Variants in CTH observed in about 807,000 individuals in gnomAD.
CTH encodes cystathionine gamma-lyase, also known as cystathionase (cystathionine gamma-lyase).
A neutral mutation model predicts 50.6 loss-of-function variants in CTH; 41 were observed. The ratio of observed to expected loss-of-function variants is 0.81; its 90% CI spans 0.63 to 1.05. The LOEUF (loss-of-function observed/expected upper bound fraction) is 1.05. Among genes scored for constraint, CTH ranks in the 50% least tolerant of loss-of-function variants. The probability of loss-of-function intolerance (pLI) is 0.00; values close to 1 mark genes in which losing one functional copy is unlikely to be tolerated. For synonymous variants in CTH, 156 were observed against 168.9 expected (o/e 0.92, Z 0.59); for missense variants, 470 against 492.6 (o/e 0.95, Z 0.43).
chr1:70,430,256 G>T, intron 6 of CTH, 61 bp from the exon 7 acceptor site: 1 of 876,870 alleles, frequency 1.1e-6, no homozygotes, highest in South Asian at 1.4e-5. Context: ...ATAAAATAAA[G>T]AGTAAACATA....
intron 10 of CTH, among the ~76,000 whole-genome samples, chr1:70,437,743 G>A (rs1242424026): frequency 6.6e-6 from 1 of 152,196 alleles, no homozygotes; most frequent in Non-Finnish European, 1.5e-5. Context: ...CCACAGCTGA[G>A]ATTTTTTTTT....
intron 4 of CTH, among the ~76,000 whole-genome samples, chr1:70,423,727 C>T (rs1209111086): frequency 2.6e-5 from 4 of 152,118 alleles, no homozygotes; most frequent in South Asian, 4.1e-4. Context: ...TTTAAGTAGG[C>T]GGTAACCACG....
intron 3 of CTH, among the ~76,000 whole-genome samples, chr1:70,421,284 TC>T (rs2101736966): frequency 6.6e-6 from 1 of 152,344 alleles, no homozygotes; most frequent in Admixed American, 6.5e-5. Context: ...AGGAAGCATG[TC>T]ACTTAGTGGA....
chr1:70,417,924 A>G lies in CTH; in HGVS notation c.251-13A>G. On this transcript the variant is annotated splice_polypyrimidine_tract_variant and intron_variant, in intron 2 of 11. Coordinates refer to ENST00000370938, the MANE Select transcript of CTH (RefSeq NM_001902.6). ...TGACTTTTCAGCTTACTCTAACTTG[A>G]TTTTTATTTTAGGTTTGGCCTTTGC... is the stretch of plus-strand genomic sequence containing the variant. The G allele has an allele frequency of 6.2e-7, 1 of 1,613,830 alleles. No individual in the cohort carries two copies.
At chr1:70,436,565 G>T (rs1217914197) in intron 10 of CTH, among the ~76,000 whole-genome samples, 1 of 151,780 alleles carries the variant, frequency 6.6e-6, no homozygotes, top group African/African-American at 2.4e-5. Flanking sequence ...TGTTTTGCAA[G>T]CATTGTGTGG....
chr1:70,435,062 A>C lies in CTH; in HGVS notation c.1000-63A>C. ...CACTGTGCCTGGCCTAAAAACATTT[A>C]TTTTTAGATTTTAGTATTTTTATTT... is the stretch of plus-strand genomic sequence containing the variant. On this transcript the variant is annotated intron_variant, in intron 9 of 11. Coordinates refer to ENST00000370938, the MANE Select transcript of CTH (RefSeq NM_001902.6). 8 of 1,482,180 alleles carry C rather than the reference A, an allele frequency of 5.4e-6. No individual in the cohort carries two copies. In the South Asian group the frequency reaches 9.5e-5, roughly 18 times the overall value. 91.8% of individuals were successfully genotyped at this position (1,482,180 alleles called of 1,614,324 possible).
At chr1:70,429,767 T>C in intron 5 of CTH, 27 bp from the exon 6 acceptor site, 7 of 1,567,836 alleles carry the variant, frequency 4.5e-6, no homozygotes, top group Non-Finnish European at 6.1e-6. Context: ...TTGTTTCTCA[T>C]TTAAAGTAAA....
At chr1:70,423,192 T>C (rs1169296120) in intron 4 of CTH, among the ~76,000 whole-genome samples, 1 of 152,136 alleles carries the variant, frequency 6.6e-6, no homozygotes, top group Non-Finnish European at 1.5e-5. Context: ...ATATGTATTA[T>C]TTAACCATCT....
intron 10 of CTH, among the ~76,000 whole-genome samples, chr1:70,436,295 T>G (rs1422398124): frequency 6.6e-6 from 1 of 152,128 alleles, no homozygotes; most frequent in African/African-American, 2.4e-5. Context: ...ACCACTGCAC[T>G]CCAGCCTGGG....
Position 70,415,945 on chromosome 1 carries a change from G to GTTTTT in CTH, c.169-8_169-4dup. 6.4e-7 allele frequency: 1 copy of GTTTTT among 1,558,786 alleles called. No homozygotes were observed. Among genetic ancestry groups the GTTTTT allele is most frequent in the Admixed American group, 1.7e-5 (1 of 59,932 alleles). On this transcript the variant is annotated splice_polypyrimidine_tract_variant and intron_variant, in intron 1 of 11. Transcript: ENST00000370938. ...AATCTCTTAGGATGAACTCGAACTT[G>GTTTTT]TTTTTTTCAGGGTTTTGAATATAGC...
At position 70,436,261 on chromosome 1, in the gene CTH, G is replaced by A. The variant is rs542437236; in HGVS notation, c.1052+1084G>A. Among the ~76,000 whole-genome samples, 4 of 152,240 alleles carry A rather than the reference G, an allele frequency of 2.6e-5. No homozygotes were observed. The South Asian group carries it at 6.2e-4, about 24-fold the overall frequency. ...CAAGTGATGGAGGTTGCAGTGAGCC[G>A]AGGTTGCAGCAAGCCAAGATCGCAC... is the stretch of plus-strand genomic sequence containing the variant. On this transcript the variant is annotated intron_variant, in intron 10 of 11. Transcript: ENST00000370938.
rs1442045810 is a variant in CTH, at chr1:70,416,042, G to A, written c.250+5G>A. ...CACTGGATGGGGCTAAGTACTGTAA[G>A]TAATTTCCATTTCACAGTCTAGAAT... On this transcript the variant is annotated splice_donor_5th_base_variant and intron_variant, in intron 2 of 11. Coordinates refer to ENST00000370938, the MANE Select transcript of CTH (RefSeq NM_001902.6). 6 of 1,484,198 alleles carry A rather than the reference G, an allele frequency of 4.0e-6. No homozygotes were observed. The highest frequency in any genetic ancestry group is 3.4e-5 in the South Asian group (3 of 88,344). The allele number at this position is 1,484,198 out of a possible 1,614,324, so 91.9% of individuals were successfully genotyped here.
rs553394702 is a variant in CTH at position 70,436,219 on chromosome 1, C to T, written c.1052+1042C>T. Among the ~76,000 whole-genome samples, 22 of 151,844 alleles carry T rather than the reference C, an allele frequency of 1.4e-4. No individual in the cohort carries two copies. The South Asian group carries it at 3.5e-3, about 24-fold the overall frequency. ...CCCAGTTACTTGGGTGGCTAAGGCA[C>T]GAGAATCGCTTGAACCCAAGTGATG... On this transcript the variant is annotated intron_variant, in intron 10 of 11. Coordinates refer to ENST00000370938, the MANE Select transcript of CTH (RefSeq NM_001902.6).
At chr1:70,420,773 T>C (rs1025325399) in intron 3 of CTH, among the ~76,000 whole-genome samples, 1 of 152,152 alleles carries the variant, frequency 6.6e-6, no homozygotes, top group African/African-American at 2.4e-5. Context: ...TTTAGATACT[T>C]TTATAATGCA....
intron 4 of CTH, 41 bp downstream of exon 4, chr1:70,421,716 A>T: frequency 6.3e-7 from 1 of 1,588,824 alleles, no homozygotes; most frequent in Non-Finnish European, 8.6e-7. Context: ...TTTTCCTTCG[A>T]TGTTTTGTTT....
In CTH at chr1:70,438,821, G is replaced by T; in HGVS notation, c.1186G>T (p.Ala396Ser). The change falls in exon 11 of 12, where the codon GCA becomes TCA. Residue 396 changes from alanine (A) to serine (S), a missense_variant. By Grantham distance (99) the Ala-to-Ser change is moderately conservative. Coordinates refer to ENST00000370938, the MANE Select transcript of CTH (RefSeq NM_001902.6). ...GGAAGATCTAGATCAAGCTTTGAAG[G>T]CAGCAGTAAGTCTTATTATTGTGTG... ...LLEDLDQALK[A>S]AHPPSGSHS 1 of 1,608,376 alleles carries T rather than the reference G, an allele frequency of 6.2e-7. No homozygotes were observed. Among genetic ancestry groups the T allele is most frequent in the South Asian group, 1.1e-5 (1 of 90,718 alleles).
At position 70,411,524 on chromosome 1, in the gene CTH, GT is replaced by G. The variant is rs1371035509; in HGVS notation, c.110del (p.Val37GlufsTer55). On this transcript the variant is annotated frameshift_variant, in exon 1 of 12. Coordinates refer to ENST00000370938, the MANE Select transcript of CTH (RefSeq NM_001902.6). LOFTEE classifies it high-confidence loss of function. ...QDPEQWTSRA[V>X]VPPISLSTTF... ...TCCAGAGCAATGGACCTCCAGGGCT[GT>G]AGTGCCCCCCATCTCACTGTCCACC... The G allele has an allele frequency of 2.5e-6, 4 of 1,614,090 alleles. No individual in the cohort carries two copies. The highest frequency in any genetic ancestry group is 3.4e-6 in the Non-Finnish European group (4 of 1,180,056).
At chr1:70,433,772 C>G (rs367890728) in intron 8 of CTH, 56 bp from the exon 9 acceptor site, 513 of 1,610,394 alleles carry the variant, frequency 3.2e-4, no homozygotes, top group East Asian at 6.7e-4. Context: ...ACCCTCCCCC[C>G]CCAAAAATTA....
intron 2 of CTH, among the ~76,000 whole-genome samples, chr1:70,416,721 G>A (rs536402331): frequency 2.0e-5 from 3 of 152,032 alleles, no homozygotes; most frequent in Non-Finnish European, 2.9e-5. Context: ...CTGCCACCAC[G>A]CCCAGCTAAT....
Sources: allele counts gnomAD v4.1 joint callset (sites outside exome capture counted in the v4.1 genomes callset), GRCh38; gene constraint gnomAD v4.1.1; transcripts MANE v1.5; gene names NCBI Gene and HGNC (gene_info 2026-07-23, HGNC 2026-07-21).